The following KYAT1 variants were observed in gnomAD, a reference collection of about 807,000 sequenced individuals.
KYAT1 encodes the protein kynurenine--oxoglutarate transaminase 1.
A neutral mutation model predicts 52.4 loss-of-function variants in KYAT1; 47 were observed. The observed-to-expected ratio is 0.90, with a 90% CI of 0.71 to 1.14. The LOEUF is 1.14. Ranked by LOEUF, KYAT1 falls within the 50% of genes most tolerant of loss-of-function variation. The pLI is 0.00. For synonymous variants in KYAT1, 212 were observed against 209.6 expected (o/e 1.01, Z -0.10); for missense variants, 480 against 557.9 (o/e 0.86, Z 1.41).
chr9:128,869,756 C>CTT (rs898055948), intron 1 of KYAT1, among the ~76,000 whole-genome samples: 5 of 142,008 alleles, frequency 3.5e-5, no homozygotes, highest in African/African-American at 2.6e-5. Flanking sequence ...TGATAATGTA[C>CTT]TTTTTTTTTT....
chr9:128,867,376 A>T (rs1588142016), intron 1 of KYAT1, among the ~76,000 whole-genome samples: 1 of 152,128 alleles, frequency 6.6e-6, no homozygotes, highest in East Asian at 1.9e-4. Context: ...ACAAGGTCTG[A>T]CTACATTGCC....
chr9:128,838,081 C>A lies in KYAT1; in HGVS notation c.408G>T (p.Gly136=). 1 of 1,614,120 alleles carries A rather than the reference C, an allele frequency of 6.2e-7. No homozygotes were observed. Among genetic ancestry groups the A allele is most frequent in the Non-Finnish European group, 8.5e-7 (1 of 1,180,016 alleles). ...TCAGGGACACAAACACAGGACGACCCCCTGCCATCATTGTCATGGGCTCGT... is the reference window on the plus strand; with the variant it reads ...TCAGGGACACAAACACAGGACGACCACCTGCCATCATTGTCATGGGCTCGT... ...DCYEPMTMMA[G]GRPVFVSLKP... is the part of the protein sequence containing the mutation. The change falls in exon 5 of 13, where the codon GGG becomes GGT. Residue 136 remains glycine, a synonymous_variant. Transcript: ENST00000302586.
rs185246996 is a variant in KYAT1 at position 128,833,856 on chromosome 9, C to T, written c.1123-30G>A. On this transcript the variant is annotated intron_variant, in intron 11 of 12. Coordinates refer to ENST00000302586, the MANE Select transcript of KYAT1 (RefSeq NM_004059.5). ...GGAGGAGGAAGGACATGTCTCAACA[C>T]GGCCTCGTGGCCCAGCAGGCCTTGG... 6.5e-4 allele frequency: 1,033 copies of T among 1,591,354 alleles called. 6 individuals carry two copies. The African/African-American group carries it at 0.012, about 18-fold the overall frequency.
chr9:128,865,361 T>A (rs865899159), intron 1 of KYAT1, among the ~76,000 whole-genome samples: 43 of 37,866 alleles, frequency 1.1e-3, no homozygotes, highest in Middle Eastern at 0.01. Context: ...ATATATATAT[T>A]TTTTTTTTTT....
At chr9:128,847,287 G>T in intron 1 of KYAT1, 1 of 596,938 alleles carries the variant, frequency 1.7e-6, no homozygotes, top group Non-Finnish European at 2.9e-6. Context: ...AGAAGCAGGG[G>T]CAAGGGAGAA....
intron 1 of KYAT1, among the ~76,000 whole-genome samples, chr9:128,875,233 A>G (rs1357192934): frequency 1.3e-5 from 2 of 148,248 alleles, no homozygotes; most frequent in East Asian, 3.9e-4. Flanking sequence ...ATTTATGTTC[A>G]ATTTGTTTTT....
intron 1 of KYAT1, among the ~76,000 whole-genome samples, chr9:128,864,179 A>G (rs147190797): frequency 0.055 from 8,386 of 151,738 alleles, 274 homozygotes; most frequent in African/African-American, 0.096. Context: ...TGGCTAACAC[A>G]GTGAAACCCC....
intron 2 of KYAT1, among the ~76,000 whole-genome samples, chr9:128,843,321 C>T (rs950081290): frequency 2.6e-5 from 4 of 152,066 alleles, no homozygotes; most frequent in African/African-American, 4.8e-5. Context: ...CATTGTTAAT[C>T]GCAGGAATCA....
rs1832434873 is a variant in KYAT1, at chr9:128,842,805, G to A, written c.54-4C>T. 1 of 1,612,004 alleles carries A rather than the reference G, an allele frequency of 6.2e-7. No individual in the cohort carries two copies. The highest frequency in any genetic ancestry group is 1.1e-5 in the South Asian group (1 of 90,738). Reference sequence around the variant, plus strand: ...GGCCAGTTTCACAAACTCCACCCTGGGTAACAAATGGAGAATCAGCACCAG... The same window carrying A: ...GGCCAGTTTCACAAACTCCACCCTGAGTAACAAATGGAGAATCAGCACCAG... On this transcript the variant is annotated splice_polypyrimidine_tract_variant and splice_region_variant and intron_variant, in intron 2 of 12. Coordinates refer to ENST00000302586, the MANE Select transcript of KYAT1 (RefSeq NM_004059.5).
At chr9:128,874,342 A>G (rs1837654994) in intron 1 of KYAT1, among the ~76,000 whole-genome samples, 1 of 145,838 alleles carries the variant, frequency 6.9e-6, no homozygotes, top group Non-Finnish European at 1.5e-5. Flanking sequence ...CATTTCTTCT[A>G]TGTTTGTTGC....
chr9:128,842,823 A>G (rs1171121034), intron 2 of KYAT1, 22 bp from the exon 3 acceptor site: 1 of 1,608,764 alleles, frequency 6.2e-7, no homozygotes, highest in South Asian at 1.1e-5. Context: ...ATGGAGAATC[A>G]GCACCAGCCC....
intron 3 of KYAT1, among the ~76,000 whole-genome samples, chr9:128,841,270 C>T (rs904922168): frequency 2.0e-5 from 3 of 151,776 alleles, no homozygotes; most frequent in Non-Finnish European, 2.9e-5. Flanking sequence ...TTTGGGAGGC[C>T]GAGGCAGGCG....
intron 11 of KYAT1, among the ~76,000 whole-genome samples, chr9:128,834,321 GT>G (rs1830620470): frequency 2.6e-5 from 4 of 152,158 alleles, no homozygotes; most frequent in Non-Finnish European, 5.9e-5. Context: ...CCCTCCCTGG[GT>G]ATAGAGGGCA....
chr9:128,833,857 G>A lies in KYAT1; in HGVS notation c.1123-31C>T, dbSNP rs763103148. The A allele has an allele frequency of 2.9e-5, 46 of 1,584,590 alleles. No homozygotes were observed. The Middle Eastern group carries it at 5.1e-4, about 18-fold the overall frequency. On this transcript the variant is annotated intron_variant, in intron 11 of 12. Coordinates refer to ENST00000302586, the MANE Select transcript of KYAT1 (RefSeq NM_004059.5). ...GAGGAGGAAGGACATGTCTCAACACGGCCTCGTGGCCCAGCAGGCCTTGGC... is the reference window on the plus strand; with the variant it reads ...GAGGAGGAAGGACATGTCTCAACACAGCCTCGTGGCCCAGCAGGCCTTGGC...
At position 128,833,481 on chromosome 9, in the gene KYAT1, T is replaced by C; in HGVS notation, c.*103A>G. 4.1e-6 allele frequency: 5 copies of C among 1,234,122 alleles called. No individual in the cohort carries two copies. Among genetic ancestry groups the C allele is most frequent in the Non-Finnish European group, 5.9e-6 (5 of 843,536 alleles). The allele number at this position is 1,234,122 out of a possible 1,614,324, so 76.4% of individuals were successfully genotyped here. On this transcript the variant is annotated 3_prime_UTR_variant, in exon 13 of 13. Transcript: ENST00000302586. ...ACGGAGAAGAGGTTTCCCAATAGCATCTTCCCCAACCTAGAAATGTCTGAA... is the reference window on the plus strand; with the variant it reads ...ACGGAGAAGAGGTTTCCCAATAGCACCTTCCCCAACCTAGAAATGTCTGAA...
rs112959821 is a variant in KYAT1 at position 128,857,111 on chromosome 9, G to A, written c.-6-11700C>T. Among the ~76,000 whole-genome samples, 460 of 152,312 alleles carry A rather than the reference G, an allele frequency of 3.0e-3. 1 individual carries two copies. Among genetic ancestry groups the A allele is most frequent in the Non-Finnish European group, 5.3e-3 (359 of 68,024 alleles). ...CTTTACTCCACTGAGATGTTTGGGC[G>A]GGGAGAAACATAAATCCGGCCTACG... is the stretch of plus-strand genomic sequence containing the variant. On this transcript the variant is annotated intron_variant, in intron 1 of 12. Coordinates refer to ENST00000302586, the MANE Select transcript of KYAT1 (RefSeq NM_004059.5).
At chr9:128,858,664 C>T (rs1267358229) in intron 1 of KYAT1, among the ~76,000 whole-genome samples, 1 of 152,016 alleles carries the variant, frequency 6.6e-6, no homozygotes, top group Non-Finnish European at 1.5e-5. Flanking sequence ...CATTGCACTC[C>T]AGCCTGGGCA....
At chr9:128,833,875 G>T (rs762007175) in intron 11 of KYAT1, 49 bp from the exon 12 acceptor site, 2 of 1,525,990 alleles carry the variant, frequency 1.3e-6, no homozygotes. Flanking sequence ...GGCCCAGCAG[G>T]CCTTGGCTCC....
At chr9:128,853,306 A>C (rs771538341) in intron 1 of KYAT1, among the ~76,000 whole-genome samples, 2 of 152,232 alleles carry the variant, frequency 1.3e-5, no homozygotes, top group Non-Finnish European at 2.9e-5. Flanking sequence ...ATTACCAGAT[A>C]TAAACCTTTA....
Sources: gnomAD v4.1 joint callset for allele counts (sites outside exome capture counted in the v4.1 genomes callset) on GRCh38, gnomAD v4.1.1 for gene constraint, MANE v1.5 for transcripts, NCBI Gene and HGNC (gene_info 2026-07-23, HGNC 2026-07-21) for gene names.